Variants in SPPL3 observed in about 807,000 individuals in gnomAD.
The protein encoded by SPPL3 is signal peptide peptidase like 3, also known as signal peptide peptidase-like 3.
A neutral mutation model predicts 42.4 loss-of-function variants in SPPL3; 5 were observed. The ratio of observed to expected loss-of-function variants is 0.12; its 90% confidence interval spans 0.06 to 0.25. SPPL3 has a LOEUF of 0.25. Ranked by LOEUF, SPPL3 falls within the 10% of genes least tolerant of loss-of-function variation. The pLI is 1.00. For synonymous variants in SPPL3, 195 were observed against 181.8 expected, an observed-to-expected ratio of 1.07 and a Z score of -0.58; for missense variants, 235 against 489.0, an observed-to-expected ratio of 0.48 and a Z score of 4.90.
chr12:120,808,273 A>G (rs1192217354), intron 2 of SPPL3, among the ~76,000 whole-genome samples: 1 of 151,618 alleles, frequency 6.6e-6, no homozygotes, highest in African/African-American at 2.4e-5. Context: ...ATGGGGTTTC[A>G]CCATGTTGTC....
chr12:120,845,081 A>AGAGGAGT (rs1411921582), intron 1 of SPPL3: 4 of 353,282 alleles, frequency 1.1e-5, no homozygotes, highest in Non-Finnish European at 2.2e-5. Flanking sequence ...GCAGAGGGCA[A>AGAGGAGT]GAGGAGTGAG....
intron 5 of SPPL3, among the ~76,000 whole-genome samples, chr12:120,783,062 G>C (rs1024720493): frequency 1.3e-5 from 2 of 152,144 alleles, no homozygotes; most frequent in Admixed American, 6.5e-5. Flanking sequence ...CTATTCTTAT[G>C]AGGAAAACAA....
intron 1 of SPPL3, among the ~76,000 whole-genome samples, chr12:120,883,333 AACTT>A (rs1424698787): frequency 2.6e-5 from 4 of 152,226 alleles, no homozygotes; most frequent in Admixed American, 1.3e-4. Flanking sequence ...ACAAAAAACA[AACTT>A]AATTCTAGAT....
At chr12:120,823,256 A>T (rs1592980422) in intron 1 of SPPL3, among the ~76,000 whole-genome samples, 2 of 151,544 alleles carry the variant, frequency 1.3e-5, no homozygotes, top group East Asian at 3.9e-4. Flanking sequence ...GAGGACAGAG[A>T]ACAAAAGGAA....
chr12:120,825,547 G>A (rs868182843), intron 1 of SPPL3, among the ~76,000 whole-genome samples: 7 of 152,170 alleles, frequency 4.6e-5, no homozygotes, highest in African/African-American at 1.4e-4. Flanking sequence ...ATATCAACAG[G>A]AGCAAATATC....
intron 1 of SPPL3, among the ~76,000 whole-genome samples, chr12:120,881,221 C>A (rs1873268728): frequency 6.6e-6 from 1 of 151,738 alleles, no homozygotes; most frequent in Non-Finnish European, 1.5e-5. Context: ...GTAATCCCAG[C>A]ACTTTGGGAG....
At chr12:120,874,875 A>G (rs1873036745) in intron 1 of SPPL3, among the ~76,000 whole-genome samples, 1 of 152,152 alleles carries the variant, frequency 6.6e-6, no homozygotes, top group Admixed American at 6.6e-5. Flanking sequence ...CAGAAGTGAC[A>G]CTAGTCAAGG....
chr12:120,851,752 C>T (rs1029572922), intron 1 of SPPL3, among the ~76,000 whole-genome samples: 1 of 151,984 alleles, frequency 6.6e-6, no homozygotes, highest in Non-Finnish European at 1.5e-5. Flanking sequence ...TACAGGTGAG[C>T]GCTACCACAC....
chr12:120,896,315 T>C (rs780395923), intron 1 of SPPL3, among the ~76,000 whole-genome samples: 2 of 152,216 alleles, frequency 1.3e-5, no homozygotes, highest in Non-Finnish European at 1.5e-5. Context: ...TAATAAAATC[T>C]GAGGGGTAAC....
intron 1 of SPPL3, among the ~76,000 whole-genome samples, chr12:120,846,298 A>C (rs188179384): frequency 6.6e-6 from 1 of 152,258 alleles, no homozygotes; most frequent in African/African-American, 2.4e-5. Flanking sequence ...ATAATTTTCT[A>C]ACTTCATAAA....
intron 2 of SPPL3, among the ~76,000 whole-genome samples, chr12:120,794,698 C>T (rs888445300): frequency 6.6e-6 from 1 of 152,128 alleles, no homozygotes; most frequent in Non-Finnish European, 1.5e-5. Context: ...ACCTGGACAA[C>T]TGCTGTTTTA....
chr12:120,901,818 G>A lies in SPPL3; in HGVS notation c.23+2027C>T, dbSNP rs972912743. ...TTTGTAAATTGTCAAACTTCACAAA[G>A]TAATCCCTCCTTAATAGAGCCAACT... On this transcript the variant is annotated intron_variant, in intron 1 of 10. Transcript: ENST00000353487. 4.9e-6 allele frequency: 4 copies of A among 821,214 alleles called. No individual in the cohort carries two copies. The African/African-American group carries it at 7.4e-5, about 15-fold the overall frequency. 50.9% of individuals were successfully genotyped at this position (821,214 alleles called of 1,614,324 possible).
Position 120,764,751 on chromosome 12 carries a change from C to T in SPPL3, c.*248G>A, listed in dbSNP as rs894564474. The T allele has an allele frequency of 1.8e-5, 8 of 446,080 alleles. No individual in the cohort carries two copies. Among genetic ancestry groups the T allele is most frequent in the Admixed American group, 4.0e-5 (1 of 24,944 alleles). 27.6% of individuals were successfully genotyped at this position (446,080 alleles called of 1,614,324 possible). A position where few individuals can be genotyped will look rare whatever the true frequency, so the allele number is the denominator to read the frequency against. ...TCCATAAAAACGTGGGAGGAAGGCG[C>T]GCTGGGGAGAGGCCTGTCCCTCTTG... On this transcript the variant is annotated 3_prime_UTR_variant, in exon 11 of 11. Transcript: ENST00000353487.
intron 1 of SPPL3, among the ~76,000 whole-genome samples, chr12:120,866,250 T>C (rs568631064): frequency 4.6e-5 from 7 of 152,210 alleles, no homozygotes; most frequent in South Asian, 4.1e-4. Flanking sequence ...ACAAAACCAG[T>C]CCCTGGTGCC....
chr12:120,849,630 T>C (rs1045186245), intron 1 of SPPL3, among the ~76,000 whole-genome samples: 1 of 152,214 alleles, frequency 6.6e-6, no homozygotes, highest in Non-Finnish European at 1.5e-5. Flanking sequence ...TCTGAAAATA[T>C]GTCCAAGAAA....
At chr12:120,883,493 A>G (rs977195661) in intron 1 of SPPL3, among the ~76,000 whole-genome samples, 1 of 152,222 alleles carries the variant, frequency 6.6e-6, no homozygotes, top group Non-Finnish European at 1.5e-5. Flanking sequence ...AGATAATGGT[A>G]GATTCTACTC....
At chr12:120,896,635 C>T (rs534777239) in intron 1 of SPPL3, among the ~76,000 whole-genome samples, 10 of 152,074 alleles carry the variant, frequency 6.6e-5, no homozygotes, top group African/African-American at 1.9e-4. Flanking sequence ...ACAAATTAGC[C>T]GGGCATGGTG....
At position 120,829,583 on chromosome 12, in the gene SPPL3, G is replaced by A. The variant is rs1378695019; in HGVS notation, c.24-18697C>T. Among the ~76,000 whole-genome samples, 41 of 151,560 alleles carry A rather than the reference G, an allele frequency of 2.7e-4. 1 individual carries two copies. Among genetic ancestry groups the A allele is most frequent in the Admixed American group, 2.7e-3 (41 of 15,240 alleles). ...TGTACTCCAGCCTGGGTGACAGAGG[G>A]AGACTCTGCCTCAAAAAAGAAAAAA... On this transcript the variant is annotated intron_variant, in intron 1 of 10. Transcript: ENST00000353487.
intron 6 of SPPL3, among the ~76,000 whole-genome samples, chr12:120,771,613 G>A (rs1327157769): frequency 6.6e-6 from 1 of 152,108 alleles, no homozygotes; most frequent in Non-Finnish European, 1.5e-5. Flanking sequence ...CCGAGAGCAT[G>A]GCTCAGTGCT....
Sources: allele counts gnomAD v4.1 joint callset (sites outside exome capture counted in the v4.1 genomes callset), GRCh38; gene constraint gnomAD v4.1.1; transcripts MANE v1.5; gene names NCBI Gene and HGNC (gene_info 2026-07-23, HGNC 2026-07-21).